The following HECW2 variants were observed in gnomAD, a reference collection of about 807,000 sequenced individuals.
The protein encoded by HECW2 is HECT, C2 and WW domain containing E3 ubiquitin protein ligase 2, also known as E3 ubiquitin-protein ligase HECW2.
In HECW2, 61 loss-of-function variants were observed where a neutral mutation model predicts 175.2. The observed-to-expected ratio is 0.35, with a 90% CI of 0.28 to 0.43. HECW2 has a LOEUF of 0.43. HECW2 is among the 20% of genes least tolerant of loss of function. The pLI is 1.00. For missense variants in HECW2, 1,524 were observed against 2,000.5 expected (o/e 0.76, Z 4.54); for synonymous variants, 671 against 731.0 (o/e 0.92, Z 1.32).
chr2:196,358,400 C>A (rs1301068913), intron 2 of HECW2, among the ~76,000 whole-genome samples: 1 of 151,306 alleles, frequency 6.6e-6, no homozygotes, highest in East Asian at 1.9e-4. Context: ...ATGATGAAAC[C>A]CTGTCTCTAC....
chr2:196,250,749 A>C (rs946186461), intron 19 of HECW2, among the ~76,000 whole-genome samples: 14 of 151,742 alleles, frequency 9.2e-5, no homozygotes, highest in Non-Finnish European at 1.6e-4. Flanking sequence ...TCCACAAACC[A>C]CTTTCCTTCC....
chr2:196,519,167 G>A (rs1688254861), intron 1 of HECW2, among the ~76,000 whole-genome samples: 1 of 152,172 alleles, frequency 6.6e-6, no homozygotes, highest in Non-Finnish European at 1.5e-5. Context: ...TATAGGTGAG[G>A]AAACAAAGTG....
At chr2:196,417,927 A>G (rs923936558) in intron 2 of HECW2, among the ~76,000 whole-genome samples, 2 of 152,138 alleles carry the variant, frequency 1.3e-5, no homozygotes, top group Admixed American at 6.5e-5. Context: ...AAAAAACCCT[A>G]CTATTTACTT....
intron 2 of HECW2, among the ~76,000 whole-genome samples, chr2:196,367,948 T>C (rs1435129143): frequency 6.6e-6 from 1 of 150,520 alleles, no homozygotes; most frequent in Non-Finnish European, 1.5e-5. Flanking sequence ...ATATATGAGA[T>C]ACATATATAT....
chr2:196,426,510 T>C (rs1474700341), intron 2 of HECW2, among the ~76,000 whole-genome samples: 1 of 152,190 alleles, frequency 6.6e-6, no homozygotes, highest in African/African-American at 2.4e-5. Flanking sequence ...ATGTTGATTT[T>C]TTTTTTTAAT....
chr2:196,502,732 C>T (rs950154136), intron 1 of HECW2, among the ~76,000 whole-genome samples: 3 of 152,166 alleles, frequency 2.0e-5, no homozygotes, highest in Non-Finnish European at 4.4e-5. Context: ...CAACTATGGA[C>T]GGTCCCGCCC....
At chr2:196,317,459 G>T in intron 9 of HECW2, 90 bp from the exon 10 acceptor site, 1 of 923,988 alleles carries the variant, frequency 1.1e-6, no homozygotes. Context: ...TAATTCCCAA[G>T]GCTAGTTTCT....
intron 1 of HECW2, among the ~76,000 whole-genome samples, chr2:196,562,990 C>A (rs1263097071): frequency 1.3e-5 from 2 of 152,060 alleles, no homozygotes; most frequent in Non-Finnish European, 2.9e-5. Flanking sequence ...CTGCAGTGAG[C>A]CATGAACGCA....
chr2:196,514,182 G>T (rs1269007387), intron 1 of HECW2, among the ~76,000 whole-genome samples: 1 of 152,212 alleles, frequency 6.6e-6, no homozygotes, highest in Non-Finnish European at 1.5e-5. Flanking sequence ...GCCTCTCCCT[G>T]CTTCTAGTGC....
rs551195144 is a variant in HECW2 at position 196,224,076 on chromosome 2, C to T, written c.4016+1696G>A. Among the ~76,000 whole-genome samples the T allele has an allele frequency of 2.6e-5, 4 of 152,250 alleles. No individual in the cohort carries two copies. In the South Asian group the frequency reaches 8.3e-4, roughly 32 times the overall value. On this transcript the variant is annotated intron_variant, in intron 23 of 28. Coordinates refer to ENST00000644978, the MANE Select transcript of HECW2 (RefSeq NM_001348768.2). ...AAAAGTACCACAGGTGATTTGTGAACTCTACCCTGGGAATGATGGGGTAGA... is the reference window on the plus strand; with the variant it reads ...AAAAGTACCACAGGTGATTTGTGAATTCTACCCTGGGAATGATGGGGTAGA...
chr2:196,512,840 C>T (rs551942797), intron 1 of HECW2, among the ~76,000 whole-genome samples: 1 of 151,836 alleles, frequency 6.6e-6, no homozygotes, highest in African/African-American at 2.4e-5. Context: ...CAGGTGCACA[C>T]CACCATGCCT....
At chr2:196,418,174 G>A (rs1031296006) in intron 2 of HECW2, among the ~76,000 whole-genome samples, 1 of 151,822 alleles carries the variant, frequency 6.6e-6, no homozygotes, top group Admixed American at 6.6e-5. Flanking sequence ...TGTTGCCCAG[G>A]CTGGAGTGCA....
At chr2:196,555,578 A>G (rs1231304914) in intron 1 of HECW2, among the ~76,000 whole-genome samples, 1 of 152,236 alleles carries the variant, frequency 6.6e-6, no homozygotes, top group Non-Finnish European at 1.5e-5. Context: ...TTACTTTATG[A>G]TAAGAGTACA....
intron 1 of HECW2, among the ~76,000 whole-genome samples, chr2:196,593,145 C>T (rs1305695633): frequency 6.6e-6 from 1 of 151,256 alleles, no homozygotes; most frequent in Non-Finnish European, 1.5e-5. Context: ...CAGCGACACC[C>T]AGAGCTCTCG....
intron 21 of HECW2, among the ~76,000 whole-genome samples, chr2:196,234,618 T>C (rs1688174588): frequency 1.3e-5 from 2 of 152,112 alleles, no homozygotes; most frequent in African/African-American, 4.8e-5. Flanking sequence ...TTAAATCATA[T>C]AACTTTAGTT....
intron 2 of HECW2, among the ~76,000 whole-genome samples, chr2:196,431,820 A>G (rs1052688859): frequency 1.3e-5 from 2 of 152,248 alleles, no homozygotes; most frequent in African/African-American, 2.4e-5. Context: ...CAATTCATTA[A>G]AGCTTTGCCC....
At chr2:196,244,232 A>G (rs1366597906) in intron 19 of HECW2, among the ~76,000 whole-genome samples, 2 of 152,200 alleles carry the variant, frequency 1.3e-5, no homozygotes, top group African/African-American at 4.8e-5. Context: ...ACATCAAACA[A>G]TTAGAGAATA....
Position 196,292,701 on chromosome 2 carries a change from G to A in HECW2, c.2864C>T (p.Thr955Ile). The A allele has an allele frequency of 6.2e-7, 1 of 1,614,064 alleles. No homozygotes were observed. The highest frequency in any genetic ancestry group is 8.5e-7 in the Non-Finnish European group (1 of 1,179,924). Residue 955 changes from threonine (T) to isoleucine (I), a missense_variant, in exon 14 of 29, where the codon ACC becomes ATC. By Grantham distance (89) the Thr-to-Ile change is moderately conservative. Around this residue, in one of 11 missense-constraint regions of HECW2, gnomAD observed 291 missense variants for 412.2 expected, o/e 0.71. Coordinates refer to ENST00000644978, the MANE Select transcript of HECW2 (RefSeq NM_001348768.2). Reference protein sequence around the residue: ...TNNTCLKHMITKVRRDTHHFE... With the variant: ...TNNTCLKHMIIKVRRDTHHFE... ...GTGGTGGGTGTCCCTCCGGACTTTG[G>A]TGATCATGTGCTTCAAACACGTGTT...
intron 21 of HECW2, among the ~76,000 whole-genome samples, chr2:196,236,461 T>C (rs1026326005): frequency 6.6e-6 from 1 of 152,262 alleles, no homozygotes; most frequent in African/African-American, 2.4e-5. Flanking sequence ...ATACATTTGT[T>C]ATAATTAATA....
Sources: allele counts gnomAD v4.1 joint callset (sites outside exome capture counted in the v4.1 genomes callset), GRCh38; gene constraint gnomAD v4.1.1; regional missense constraint gnomAD v4.1.1; transcripts MANE v1.5; gene names NCBI Gene and HGNC (gene_info 2026-07-23, HGNC 2026-07-21).